Variants in TDP1 observed in about 807,000 individuals in gnomAD.
TDP1 encodes the protein tyrosyl-DNA phosphodiesterase 1, also known as tyr-DNA phosphodiesterase 1.
TDP1 carries 64 observed loss-of-function variants against 81.5 expected under a neutral mutation model. The observed-to-expected ratio is 0.79, with a 90% confidence interval of 0.64 to 0.97. The LOEUF (loss-of-function observed/expected upper bound fraction) is 0.97. Ranked by LOEUF, TDP1 falls within the 50% of genes least tolerant of loss-of-function variation. The pLI is 0.00. For missense variants in TDP1, 723 were observed against 743.8 expected, an observed-to-expected ratio of 0.97 and a Z score of 0.33; for synonymous variants, 256 against 264.3, an observed-to-expected ratio of 0.97 and a Z score of 0.30.
chr14:89,973,561 T>A (rs986467141), intron 6 of TDP1, among the ~76,000 whole-genome samples: 13 of 152,190 alleles, frequency 8.5e-5, no homozygotes, highest in Non-Finnish European at 1.3e-4. Context: ...AAAGTCTTTT[T>A]CTAGCAACGT....
chr14:89,975,356 G>A (rs558910042), intron 6 of TDP1: 37 of 974,328 alleles, frequency 3.8e-5, no homozygotes, highest in Admixed American at 6.1e-5. Context: ...GATTACAGGC[G>A]TGAGCCACCG....
chr14:89,970,890 G>A (rs8021072), intron 5 of TDP1: 2 of 379,984 alleles, frequency 5.3e-6, no homozygotes, highest in African/African-American at 2.2e-5. Flanking sequence ...CCAGGCTGGA[G>A]TGCAGTGGCT....
At chr14:90,001,130 C>T (rs1897155955) in intron 14 of TDP1, among the ~76,000 whole-genome samples, 1 of 152,156 alleles carries the variant, frequency 6.6e-6, no homozygotes, top group East Asian at 1.9e-4. Context: ...TGTTGACTTC[C>T]TGATCATTTG....
At chr14:89,989,301 T>G in intron 11 of TDP1, 1 of 985,334 alleles carries the variant, frequency 1.0e-6, no homozygotes, top group Non-Finnish European at 1.2e-6. Flanking sequence ...TGCTAAGAGC[T>G]TGCCGATTCG....
intron 7 of TDP1, among the ~76,000 whole-genome samples, chr14:89,977,404 T>C (rs1227106318): frequency 6.6e-6 from 1 of 152,076 alleles, no homozygotes; most frequent in Non-Finnish European, 1.5e-5. Context: ...TTCAAGCAAT[T>C]CTCTTGCCTC....
At chr14:89,977,220 T>G (rs1003432210) in intron 7 of TDP1, among the ~76,000 whole-genome samples, 2 of 152,214 alleles carry the variant, frequency 1.3e-5, no homozygotes, top group Non-Finnish European at 2.9e-5. Context: ...GTATCTGTAG[T>G]TTACATTTTG....
At chr14:89,990,206 G>T (rs980334053) in intron 12 of TDP1, among the ~76,000 whole-genome samples, 1 of 152,052 alleles carries the variant, frequency 6.6e-6, no homozygotes, top group Non-Finnish European at 1.5e-5. Context: ...TTTGCCTTTG[G>T]TATAACTTTG....
intron 14 of TDP1, among the ~76,000 whole-genome samples, chr14:90,012,357 A>G (rs188834240): frequency 5.3e-5 from 8 of 152,078 alleles, no homozygotes; most frequent in South Asian, 2.1e-4. Flanking sequence ...CAATTCTGCA[A>G]TCTTGAAGGA....
At chr14:90,028,965 A>G (rs541866757) in intron 15 of TDP1, among the ~76,000 whole-genome samples, 9 of 152,208 alleles carry the variant, frequency 5.9e-5, no homozygotes, top group African/African-American at 2.2e-4. Flanking sequence ...AAGTATAATA[A>G]TCATTAACTT....
chr14:89,965,955 A>C (rs1892893508), intron 3 of TDP1, 192 bp from the exon 4 acceptor site: 3 of 797,060 alleles, frequency 3.8e-6, no homozygotes, highest in Non-Finnish European at 4.6e-6. Context: ...ATGTATGATA[A>C]ATATTAAATA....
intron 2 of TDP1, among the ~76,000 whole-genome samples, chr14:89,960,791 G>A (rs1282615440): frequency 2.0e-5 from 3 of 152,188 alleles, no homozygotes; most frequent in African/African-American, 7.2e-5. Context: ...TAACTTGACT[G>A]GTAGTTAATT....
At chr14:89,982,300 A>G (rs1343220664) in intron 8 of TDP1, among the ~76,000 whole-genome samples, 1 of 152,148 alleles carries the variant, frequency 6.6e-6, no homozygotes, top group Non-Finnish European at 1.5e-5. Flanking sequence ...CTTGGTCTCT[A>G]AGTCTCAGCT....
chr14:89,963,034 T>C lies in TDP1; in HGVS notation c.-7-74T>C, dbSNP rs958463477. On this transcript the variant is annotated intron_variant, in intron 2 of 16. Transcript: ENST00000335725. Reference sequence around the variant, plus strand: ...GGTGTCAGCTCATCTGACAGGGAAGTTGAGAGCAATAAAGTTATTTTGCCA... The same window carrying C: ...GGTGTCAGCTCATCTGACAGGGAAGCTGAGAGCAATAAAGTTATTTTGCCA... 4 of 1,609,614 alleles carry C rather than the reference T, an allele frequency of 2.5e-6. No homozygotes were observed. The Admixed American group carries it at 5.0e-5, about 20-fold the overall frequency.
rs776938697 is a variant in TDP1 at position 89,963,121 on chromosome 14, C to T, written c.7C>T (p.Gln3Ter). The T allele has an allele frequency of 2.5e-6, 4 of 1,613,954 alleles. No individual in the cohort carries two copies. The highest frequency in any genetic ancestry group is 3.4e-6 in the Non-Finnish European group (4 of 1,179,970). Residue 3 changes from glutamine (Q) to a stop codon, truncating the protein, a stop_gained, in exon 3 of 17, where the codon CAG (glutamine) becomes TAG (stop). Coordinates refer to ENST00000335725, the MANE Select transcript of TDP1 (RefSeq NM_018319.4). LOFTEE classifies it high-confidence loss of function. ...TTTCATTTCCAGGAGTATAATGTCT[C>T]AGGAAGGCGATTATGGGAGGTGGAC... The part of the protein sequence containing the change: MS[Q>*]EGDYGRWTIS...
At chr14:89,998,901 C>T (rs57465043) in intron 14 of TDP1, among the ~76,000 whole-genome samples, 5,898 of 151,946 alleles carry the variant, frequency 0.039, 373 homozygotes, top group African/African-American at 0.13. Context: ...TTGATGTCTC[C>T]GGGGTTGCCT....
At chr14:89,986,872 G>A (rs1039063131) in intron 10 of TDP1, 2 of 152,190 alleles carry the variant, frequency 1.3e-5, no homozygotes, top group Admixed American at 6.5e-5. Context: ...TAAACAAAAC[G>A]TCAGTCAGAT....
intron 8 of TDP1, chr14:89,984,027 C>A: frequency 1.4e-6 from 1 of 718,084 alleles, no homozygotes; most frequent in Non-Finnish European, 1.7e-6. Context: ...TTTTCACATG[C>A]ACTTTTGGTA....
chr14:90,044,498 G>A lies in TDP1; in HGVS notation c.*1355G>A, dbSNP rs755484553. ...TAGGATAGAGTTGAACGTTAGTCTT[G>A]AAAGATTTTCTAAAGTAGTCTTTCA... is the stretch of plus-strand genomic sequence containing the variant. On this transcript the variant is annotated 3_prime_UTR_variant, in exon 17 of 17. Coordinates refer to ENST00000335725, the MANE Select transcript of TDP1 (RefSeq NM_018319.4). The A allele has an allele frequency of 1.6e-4, 24 of 152,264 alleles. No individual in the cohort carries two copies. Among genetic ancestry groups the A allele is most frequent in the South Asian group, 4.1e-4 (2 of 4,820 alleles). 9.4% of individuals were successfully genotyped at this position (152,264 alleles called of 1,614,324 possible).
At chr14:89,999,135 C>G (rs2140165268) in intron 14 of TDP1, among the ~76,000 whole-genome samples, 1 of 152,072 alleles carries the variant, frequency 6.6e-6, no homozygotes, top group Admixed American at 6.6e-5. Flanking sequence ...CAAGATTGTC[C>G]CATGCATTAT....
Sources: allele counts gnomAD v4.1 joint callset (sites outside exome capture counted in the v4.1 genomes callset), GRCh38; gene constraint gnomAD v4.1.1; transcripts MANE v1.5; gene names NCBI Gene and HGNC (gene_info 2026-07-23, HGNC 2026-07-21).